SGCD: variants seen among roughly 807,000 people sequenced by gnomAD.
The protein encoded by SGCD is delta-sarcoglycan.
In SGCD, 18 loss-of-function variants were observed where a neutral mutation model predicts 36.6. The ratio of observed to expected loss-of-function variants is 0.49; its 90% CI spans 0.34 to 0.73. The LOEUF (loss-of-function observed/expected upper bound fraction) is 0.73, where lower values mean the gene tolerates loss of function less well. Ranked by LOEUF, SGCD falls within the 30% of genes least tolerant of loss-of-function variation. The pLI is 0.01. For synonymous variants in SGCD, 133 were observed against 130.6 expected (o/e 1.02, Z -0.12); for missense variants, 387 against 346.7 (o/e 1.12, Z -0.92).
intron 1 of SGCD, among the ~76,000 whole-genome samples, chr5:156,062,088 C>T (rs1471341114): frequency 7.5e-5 from 6 of 79,586 alleles, no homozygotes; most frequent in East Asian, 5.9e-4. Flanking sequence ...CCCCCTCCCC[C>T]GACCCCACCA....
intron 1 of SGCD, among the ~76,000 whole-genome samples, chr5:155,886,337 A>G (rs1043439373): frequency 1.3e-5 from 2 of 152,170 alleles, no homozygotes; most frequent in Non-Finnish European, 2.9e-5. Context: ...GAACTCCTCA[A>G]AATGGTGTGA....
intron 1 of SGCD, among the ~76,000 whole-genome samples, chr5:156,077,770 T>G (rs1043569740): frequency 2.0e-5 from 3 of 152,160 alleles, no homozygotes; most frequent in Admixed American, 6.5e-5. Flanking sequence ...CCATCTCCCT[T>G]GGTGTCTGAC....
intron 3 of SGCD, among the ~76,000 whole-genome samples, chr5:156,505,544 G>A (rs1052548155): frequency 6.6e-6 from 1 of 152,194 alleles, no homozygotes; most frequent in Non-Finnish European, 1.5e-5. Context: ...GGTAGGTTGG[G>A]TGGAGACTGT....
intron 1 of SGCD, among the ~76,000 whole-genome samples, chr5:155,901,715 T>C (rs1347590183): frequency 6.6e-6 from 1 of 152,242 alleles, no homozygotes; most frequent in Non-Finnish European, 1.5e-5. Flanking sequence ...ATTTGGCATC[T>C]AGCTGAGTAG....
chr5:156,521,765 A>G (rs1757417921), intron 4 of SGCD, among the ~76,000 whole-genome samples: 1 of 152,198 alleles, frequency 6.6e-6, no homozygotes, highest in South Asian at 2.1e-4. Flanking sequence ...AATTAGTTTA[A>G]CCATTGTGAA....
intron 3 of SGCD, among the ~76,000 whole-genome samples, chr5:156,176,544 A>AT (rs1001711276): frequency 1.1e-4 from 17 of 151,386 alleles, no homozygotes; most frequent in African/African-American, 1.9e-4. Context: ...GGTGTTTGTG[A>AT]TTTTTTTTTA....
rs1301257024 is a variant in SGCD at position 156,200,399 on chromosome 5, G to A, written c.-44+76380G>A. Among the ~76,000 whole-genome samples the A allele has an allele frequency of 3.3e-5, 5 of 151,852 alleles. No individual in the cohort carries two copies. In the South Asian group the frequency reaches 1.0e-3, roughly 31 times the overall value. On this transcript the variant is annotated intron_variant, in intron 3 of 9. Coordinates refer to the SGCD transcript ENST00000517913. ...AAATAATTTTTGACAAGTGTGCCAA[G>A]ACTACACGAAGGGGAAAGCACAGTC...
At chr5:155,857,633 G>C in the SGCD span, among the ~76,000 whole-genome samples, 6 of 152,294 alleles carry the variant, frequency 3.9e-5, no homozygotes, top group East Asian at 1.2e-3. Flanking sequence ...ACTGGGAAGT[G>C]GGGGTGGGGA....
At chr5:156,264,752 G>A (rs190058884) in intron 3 of SGCD, among the ~76,000 whole-genome samples, 119 of 152,274 alleles carry the variant, frequency 7.8e-4, no homozygotes, top group Non-Finnish European at 1.4e-3. Flanking sequence ...TGTTAACCAA[G>A]CTCAGAGCAC....
chr5:155,887,995 G>A (rs1477340867), intron 1 of SGCD, among the ~76,000 whole-genome samples: 1 of 152,200 alleles, frequency 6.6e-6, no homozygotes, highest in Admixed American at 6.5e-5. Flanking sequence ...AACATCTGCA[G>A]TGTTACACAC....
chr5:156,317,901 G>T (rs781614870), intron 3 of SGCD, among the ~76,000 whole-genome samples: 1 of 152,130 alleles, frequency 6.6e-6, no homozygotes, highest in South Asian at 2.1e-4. Context: ...GTGACAAATG[G>T]CATGGGTAGA....
intron 2 of SGCD, among the ~76,000 whole-genome samples, chr5:156,333,959 G>T (rs1768200987): frequency 6.7e-6 from 1 of 149,802 alleles, no homozygotes; most frequent in African/African-American, 2.5e-5. Flanking sequence ...GCTGACTTTG[G>T]TTTTTTTTTA....
chr5:155,961,931 G>A (rs1410874200), intron 1 of SGCD, among the ~76,000 whole-genome samples: 1 of 152,020 alleles, frequency 6.6e-6, no homozygotes, highest in Non-Finnish European at 1.5e-5. Flanking sequence ...GTTGATAAAG[G>A]GGATTAAGCA....
intron 3 of SGCD, among the ~76,000 whole-genome samples, chr5:156,495,325 G>A (rs1438447120): frequency 2.0e-5 from 3 of 152,018 alleles, no homozygotes; most frequent in Admixed American, 2.0e-4. Context: ...TTGAGGAGAG[G>A]GCCAAATTAA....
chr5:155,989,565 T>C (rs1485760853), intron 1 of SGCD, among the ~76,000 whole-genome samples: 3 of 152,112 alleles, frequency 2.0e-5, no homozygotes, highest in Non-Finnish European at 4.4e-5. Context: ...TCAAAGACTG[T>C]GGATTTGAGT....
chr5:156,515,355 G>A (rs1286188000), intron 4 of SGCD, among the ~76,000 whole-genome samples: 1 of 152,192 alleles, frequency 6.6e-6, no homozygotes, highest in Admixed American at 6.5e-5. Flanking sequence ...AAACACACAT[G>A]GAGGGGTCAA....
chr5:155,782,038 T>C, the SGCD span, among the ~76,000 whole-genome samples: 3 of 151,178 alleles, frequency 2.0e-5, no homozygotes, highest in South Asian at 6.3e-4. Context: ...TTTTTTTTTT[T>C]TTTTTGAGAC....
At chr5:155,874,148 G>C (rs938199490) in intron 1 of SGCD, among the ~76,000 whole-genome samples, 1 of 152,056 alleles carries the variant, frequency 6.6e-6, no homozygotes, top group African/African-American at 2.4e-5. Context: ...GAAGGGGATA[G>C]GAGAATTCCT....
intron 3 of SGCD, among the ~76,000 whole-genome samples, chr5:156,442,779 A>G (rs978803817): frequency 3.9e-5 from 6 of 152,328 alleles, no homozygotes; most frequent in East Asian, 1.9e-4. Context: ...GTACCATGGA[A>G]TGTATTCAGG....
Sources: allele counts gnomAD v4.1 joint callset (sites outside exome capture counted in the v4.1 genomes callset), GRCh38; gene constraint gnomAD v4.1.1; transcripts MANE v1.5; gene names NCBI Gene and HGNC (gene_info 2026-07-23, HGNC 2026-07-21).